Variants in COL19A1 observed in about 807,000 individuals in gnomAD.
COL19A1 encodes the protein collagen type XIX alpha 1 chain, also known as collagen alpha-1(XIX) chain.
In COL19A1, 159 loss-of-function variants were observed where a neutral mutation model predicts 190.2. The ratio of observed to expected loss-of-function variants is 0.84; its 90% CI spans 0.73 to 0.95. The LOEUF (loss-of-function observed/expected upper bound fraction) is 0.95. COL19A1 is among the 40% of genes least tolerant of loss of function. COL19A1 has a pLI of 0.00. For synonymous variants in COL19A1, 509 were observed against 458.9 expected (o/e 1.11, Z -1.39); for missense variants, 1,418 against 1,431.9 (o/e 0.99, Z 0.16).
At position 70,010,557 on chromosome 6, in the gene COL19A1, G is replaced by C. The variant is rs945174662; in HGVS notation, c.1027-13070G>C. Among the ~76,000 whole-genome samples the C allele has an allele frequency of 4.2e-5, 6 of 142,086 alleles. 2 individuals are homozygous for C. Among genetic ancestry groups the C allele is most frequent in the Non-Finnish European group, 7.5e-5 (5 of 66,858 alleles). 93.2% of individuals were successfully genotyped at this position (142,086 alleles called of 152,430 possible). On this transcript the variant is annotated intron_variant, in intron 11 of 50. Coordinates refer to ENST00000620364, the MANE Select transcript of COL19A1 (RefSeq NM_001858.6). ...GCATTGCCTCACCTGGGAAGCGCAA[G>C]GGGTCAGGGAGTTCCCTTTCCGAGT...
chr6:69,874,334 T>C (rs1582246713), intron 1 of COL19A1, among the ~76,000 whole-genome samples: 1 of 152,234 alleles, frequency 6.6e-6, no homozygotes, highest in Non-Finnish European at 1.5e-5. Flanking sequence ...TTTTAAAACA[T>C]ATACAAGGAT....
At chr6:70,201,420 C>T (rs901972904) in intron 49 of COL19A1, among the ~76,000 whole-genome samples, 2 of 152,178 alleles carry the variant, frequency 1.3e-5, no homozygotes, top group African/African-American at 4.8e-5. Flanking sequence ...CTTCCTTTTG[C>T]AAAGGATTTC....
At position 70,160,769 on chromosome 6, in the gene COL19A1, G is replaced by A. The variant is rs138109946; in HGVS notation, c.2293-1131G>A. Among the ~76,000 whole-genome samples the A allele has an allele frequency of 2.6e-5, 4 of 152,122 alleles. No individual in the cohort carries two copies. The East Asian group carries it at 7.7e-4, about 29-fold the overall frequency. On this transcript the variant is annotated intron_variant, in intron 34 of 50. Coordinates refer to ENST00000620364, the MANE Select transcript of COL19A1 (RefSeq NM_001858.6). ...AGTTTCTGATAAAACTTATCTATTT[G>A]TCGTGATAAAATAATAAAAGCCTGT...
chr6:70,066,242 A>G (rs1015697248), intron 14 of COL19A1, among the ~76,000 whole-genome samples: 3 of 152,216 alleles, frequency 2.0e-5, no homozygotes, highest in Admixed American at 2.0e-4. Context: ...AATGTGGCAC[A>G]TATACACCAT....
At chr6:70,103,128 G>A (rs1783737834) in intron 16 of COL19A1, among the ~76,000 whole-genome samples, 1 of 152,006 alleles carries the variant, frequency 6.6e-6, no homozygotes. Flanking sequence ...TCTCCACTTG[G>A]AAGTCTCCTA....
At chr6:69,974,937 C>T (rs1360133254) in intron 11 of COL19A1, among the ~76,000 whole-genome samples, 2 of 151,422 alleles carry the variant, frequency 1.3e-5, no homozygotes, top group African/African-American at 2.4e-5. Flanking sequence ...CTCAGCCTCC[C>T]GAGTAGCTGG....
intron 16 of COL19A1, among the ~76,000 whole-genome samples, chr6:70,111,714 C>G (rs1383706034): frequency 1.3e-5 from 2 of 152,144 alleles, no homozygotes; most frequent in Non-Finnish European, 2.9e-5. Flanking sequence ...TTTTTTAGAA[C>G]TTTCCTGAGC....
intron 14 of COL19A1, among the ~76,000 whole-genome samples, chr6:70,053,184 G>A (rs1582788545): frequency 6.6e-6 from 1 of 152,214 alleles, no homozygotes; most frequent in East Asian, 1.9e-4. Context: ...TTATTTGCTT[G>A]TTATGGTTCT....
rs1234331117 is a variant in COL19A1 at position 69,936,893 on chromosome 6, C to T, written c.856C>T (p.Gln286Ter). Residue 286 changes from glutamine (Q) to a stop codon, truncating the protein, a stop_gained, in exon 8 of 51, where the codon CAG (glutamine) becomes TAG (stop). Coordinates refer to ENST00000620364, the MANE Select transcript of COL19A1 (RefSeq NM_001858.6). LOFTEE classifies it high-confidence loss of function. ...AAAGCAGGAACTTAAAGACCAGTGC[C>T]AGTGCATTCCAAACAAGGTATGCTA... ...PAKQELKDQC[Q>*]CIPNKGEAGL... 1 of 1,612,974 alleles carries T rather than the reference C, an allele frequency of 6.2e-7. No homozygotes were observed. Among genetic ancestry groups the T allele is most frequent in the Admixed American group, 1.7e-5 (1 of 59,936 alleles).
intron 13 of COL19A1, among the ~76,000 whole-genome samples, 197 bp from the exon 14 acceptor site, chr6:70,035,707 A>G (rs917877007): frequency 6.6e-6 from 1 of 152,196 alleles, no homozygotes; most frequent in Non-Finnish European, 1.5e-5. Flanking sequence ...TAGAGTATAC[A>G]AGGTGATTTT....
intron 14 of COL19A1, among the ~76,000 whole-genome samples, chr6:70,045,312 C>CAAAAA (rs34047162): frequency 2.9e-5 from 2 of 68,952 alleles, no homozygotes; most frequent in Non-Finnish European, 6.2e-5. Context: ...GACTCTGTCT[C>CAAAAA]AAAAAAAAAA....
At chr6:69,976,615 A>G (rs1775728489) in intron 11 of COL19A1, among the ~76,000 whole-genome samples, 1 of 152,182 alleles carries the variant, frequency 6.6e-6, no homozygotes, top group African/African-American at 2.4e-5. Flanking sequence ...GTCCTGAAGC[A>G]TAGGTAAGAG....
At chr6:69,917,500 C>T (rs1435916058) in intron 4 of COL19A1, among the ~76,000 whole-genome samples, 1 of 152,174 alleles carries the variant, frequency 6.6e-6, no homozygotes, top group Non-Finnish European at 1.5e-5. Context: ...GATTTACAGC[C>T]ACAAGTCTTA....
intron 14 of COL19A1, among the ~76,000 whole-genome samples, chr6:70,056,829 T>G (rs551538720): frequency 5.3e-5 from 8 of 152,270 alleles, no homozygotes; most frequent in South Asian, 2.1e-4. Flanking sequence ...AAACGTTTGA[T>G]TTTCAACACC....
At chr6:70,030,964 G>A (rs992283064) in intron 12 of COL19A1, among the ~76,000 whole-genome samples, 9 of 152,268 alleles carry the variant, frequency 5.9e-5, no homozygotes, top group East Asian at 1.9e-4. Context: ...TGTGTTCCAC[G>A]TTGCTGCCAA....
chr6:70,032,783 A>G (rs1046012916), intron 12 of COL19A1, among the ~76,000 whole-genome samples: 2 of 152,164 alleles, frequency 1.3e-5, no homozygotes, highest in Non-Finnish European at 2.9e-5. Context: ...GCAACTTCAC[A>G]CAAGGTATAT....
intron 11 of COL19A1, among the ~76,000 whole-genome samples, chr6:70,022,684 G>A (rs954082110): frequency 1.3e-5 from 2 of 152,050 alleles, no homozygotes; most frequent in Admixed American, 1.3e-4. Flanking sequence ...ATATATATTG[G>A]TTAACATTTA....
At chr6:70,027,748 C>G (rs1263732452) in intron 12 of COL19A1, among the ~76,000 whole-genome samples, 1 of 151,906 alleles carries the variant, frequency 6.6e-6, no homozygotes, top group East Asian at 1.9e-4. Context: ...ATGACCTTGT[C>G]TTTACACACA....
intron 14 of COL19A1, among the ~76,000 whole-genome samples, chr6:70,049,633 T>C (rs144819629): frequency 1.6e-4 from 25 of 152,172 alleles, no homozygotes; most frequent in Middle Eastern, 3.4e-3. Context: ...GTCCAAATTA[T>C]GCATTTTAAA....
Sources: allele counts gnomAD v4.1 joint callset (sites outside exome capture counted in the v4.1 genomes callset), GRCh38; gene constraint gnomAD v4.1.1; transcripts MANE v1.5; gene names NCBI Gene and HGNC (gene_info 2026-07-23, HGNC 2026-07-21).